Variants in MYO1D observed in about 807,000 individuals in gnomAD.
MYO1D encodes the protein myosin ID.
A neutral mutation model predicts 122.0 loss-of-function variants in MYO1D; 83 were observed. The ratio of observed to expected loss-of-function variants is 0.68; its 90% CI spans 0.57 to 0.82. The LOEUF (loss-of-function observed/expected upper bound fraction) is 0.82, where lower values mean the gene tolerates loss of function less well. MYO1D is among the 40% of genes least tolerant of loss of function. MYO1D has a pLI of 0.00. For synonymous variants in MYO1D, 464 were observed against 446.9 expected (o/e 1.04, Z -0.48); for missense variants, 1,157 against 1,269.5 (o/e 0.91, Z 1.35).
intron 21 of MYO1D, among the ~76,000 whole-genome samples, chr17:32,568,426 C>T (rs866437754): frequency 1.2e-4 from 18 of 152,342 alleles, no homozygotes; most frequent in African/African-American, 3.1e-4. Flanking sequence ...TCTCTAGTCT[C>T]ATCCCTTTGC....
At chr17:32,542,287 C>T (rs1041607951) in intron 21 of MYO1D, among the ~76,000 whole-genome samples, 14 of 152,216 alleles carry the variant, frequency 9.2e-5, no homozygotes, top group Admixed American at 1.3e-4. Flanking sequence ...TTCCACTTCT[C>T]TATCCAGACT....
At chr17:32,846,449 G>A (rs2090938342) in intron 1 of MYO1D, among the ~76,000 whole-genome samples, 2 of 152,258 alleles carry the variant, frequency 1.3e-5, no homozygotes, top group East Asian at 1.9e-4. Context: ...ATTAATATGT[G>A]TACAGGTGAG....
At chr17:32,679,825 C>T (rs1166247997) in intron 16 of MYO1D, among the ~76,000 whole-genome samples, 2 of 151,050 alleles carry the variant, frequency 1.3e-5, no homozygotes, top group Non-Finnish European at 2.9e-5. Flanking sequence ...ATGGGGATGG[C>T]ATTGAATCTG....
At chr17:32,598,357 C>T (rs993269409) in intron 21 of MYO1D, among the ~76,000 whole-genome samples, 1 of 152,050 alleles carries the variant, frequency 6.6e-6, no homozygotes, top group African/African-American at 2.4e-5. Context: ...CTGGGTGACA[C>T]AGCAAGACTC....
chr17:32,739,799 A>C (rs1456485815), intron 13 of MYO1D, among the ~76,000 whole-genome samples: 1 of 152,212 alleles, frequency 6.6e-6, no homozygotes. Context: ...TTCTGTATGT[A>C]GGTGCTCAAA....
intron 16 of MYO1D, among the ~76,000 whole-genome samples, chr17:32,687,014 CAAAG>C (rs1283473480): frequency 2.7e-5 from 4 of 147,198 alleles, no homozygotes; most frequent in African/African-American, 7.6e-5. Flanking sequence ...CACCAAAAAA[CAAAG>C]AACAAAAACT....
At chr17:32,684,235 C>A (rs8068831) in intron 16 of MYO1D, 10,922 of 155,224 alleles carry the variant, frequency 0.07, 1,231 homozygotes, top group African/African-American at 0.24. Flanking sequence ...AGCTGTAGAC[C>A]GGAGCTGTTC....
intron 1 of MYO1D, among the ~76,000 whole-genome samples, chr17:32,824,498 G>A (rs182581677): frequency 5.0e-4 from 76 of 152,252 alleles, no homozygotes; most frequent in African/African-American, 1.7e-3. Context: ...CAGAGTTTGG[G>A]GTTCTGTGCC....
chr17:32,659,522 T>C, intron 16 of MYO1D, 184 bp from the exon 17 acceptor site: 1 of 609,990 alleles, frequency 1.6e-6, no homozygotes, highest in East Asian at 2.8e-5. Context: ...GGGAGTCACA[T>C]CAGTCATTTT....
intron 5 of MYO1D, 95 bp from the exon 6 acceptor site, chr17:32,771,315 T>A: frequency 1.2e-6 from 1 of 814,258 alleles, no homozygotes; most frequent in Non-Finnish European, 1.9e-6. Flanking sequence ...TTTCTGGGCT[T>A]AATTCACTTA....
At chr17:32,855,358 T>C (rs1256308173) in intron 1 of MYO1D, among the ~76,000 whole-genome samples, 1 of 152,188 alleles carries the variant, frequency 6.6e-6, no homozygotes, top group Non-Finnish European at 1.5e-5. Flanking sequence ...AAATAACTAT[T>C]ATCCTGACTT....
chr17:32,697,022 T>C (rs1439414450), intron 16 of MYO1D, among the ~76,000 whole-genome samples: 1 of 152,218 alleles, frequency 6.6e-6, no homozygotes, highest in African/African-American at 2.4e-5. Flanking sequence ...AATTAAGATT[T>C]TGGCAAACTT....
At chr17:32,678,383 T>C (rs2088855569) in intron 16 of MYO1D, among the ~76,000 whole-genome samples, 3 of 150,880 alleles carry the variant, frequency 2.0e-5, no homozygotes, top group South Asian at 4.3e-4. Context: ...GCATTAGGTA[T>C]ATCTCCCGAT....
chr17:32,688,740 G>A (rs957868862), intron 16 of MYO1D, among the ~76,000 whole-genome samples: 2 of 152,142 alleles, frequency 1.3e-5, no homozygotes, highest in African/African-American at 4.8e-5. Context: ...GTTTTTGAAC[G>A]GAGACACAAC....
At chr17:32,708,055 C>G (rs2089330127) in intron 16 of MYO1D, among the ~76,000 whole-genome samples, 1 of 152,190 alleles carries the variant, frequency 6.6e-6, no homozygotes, top group African/African-American at 2.4e-5. Flanking sequence ...TTCTACTCAT[C>G]AGTACAACAC....
At chr17:32,847,137 C>T (rs1202530174) in intron 1 of MYO1D, among the ~76,000 whole-genome samples, 1 of 152,102 alleles carries the variant, frequency 6.6e-6, no homozygotes, top group East Asian at 1.9e-4. Flanking sequence ...TCCATGTAGC[C>T]CATGAGTCTT....
chr17:32,681,670 A>G (rs1024669095), intron 16 of MYO1D, among the ~76,000 whole-genome samples: 3 of 151,540 alleles, frequency 2.0e-5, no homozygotes, highest in South Asian at 2.1e-4. Flanking sequence ...TTTACTTCCA[A>G]CTATGTGGTC....
intron 1 of MYO1D, among the ~76,000 whole-genome samples, chr17:32,867,036 A>T (rs2091131768): frequency 6.6e-6 from 1 of 152,178 alleles, no homozygotes; most frequent in African/African-American, 2.4e-5. Context: ...TAAAAATATG[A>T]TATATTGATT....
chr17:32,535,998 T>C (rs1298399701), intron 21 of MYO1D, among the ~76,000 whole-genome samples: 1 of 152,032 alleles, frequency 6.6e-6, no homozygotes, highest in Non-Finnish European at 1.5e-5. Context: ...CAGACAAGAG[T>C]TATGGGTCTC....
Sources: gnomAD v4.1 joint callset for allele counts (sites outside exome capture counted in the v4.1 genomes callset) on GRCh38, gnomAD v4.1.1 for gene constraint, MANE v1.5 for transcripts, NCBI Gene and HGNC (gene_info 2026-07-23, HGNC 2026-07-21) for gene names.